Variants in ABCC2 observed in about 807,000 individuals in gnomAD.
ABCC2 encodes the protein ATP binding cassette subfamily C member 2, also known as ATP-binding cassette sub-family C member 2.
A neutral mutation model predicts 173.4 loss-of-function variants in ABCC2; 157 were observed. That is an observed-to-expected ratio of 0.91 (90% CI 0.80 to 1.03). The LOEUF (loss-of-function observed/expected upper bound fraction) is 1.03. ABCC2 is among the 50% of genes least tolerant of loss of function. ABCC2 has a pLI of 0.00. For missense variants in ABCC2, 1,822 were observed against 1,852.3 expected, an observed-to-expected ratio of 0.98 and a Z score of 0.30; for synonymous variants, 657 against 693.5, an observed-to-expected ratio of 0.95 and a Z score of 0.83.
intron 2 of ABCC2, among the ~76,000 whole-genome samples, chr10:99,785,417 C>T (rs966230791): frequency 6.6e-6 from 1 of 152,162 alleles, no homozygotes; most frequent in African/African-American, 2.4e-5. Flanking sequence ...AGGGAAGGGT[C>T]TTGTGGGAAC....
At chr10:99,813,432 C>G (rs1341394953) in intron 16 of ABCC2, among the ~76,000 whole-genome samples, 2 of 152,154 alleles carry the variant, frequency 1.3e-5, no homozygotes, top group African/African-American at 4.8e-5. Context: ...ATAGGCATTT[C>G]TGGCCAGGCA....
intron 28 of ABCC2, 89 bp downstream of exon 28, chr10:99,844,554 C>T: frequency 6.5e-7 from 1 of 1,549,946 alleles, no homozygotes; most frequent in Non-Finnish European, 8.8e-7. Context: ...CCTAAGCCTT[C>T]ATCATTTGGA....
chr10:99,832,942 G>C (rs189136904), intron 23 of ABCC2, among the ~76,000 whole-genome samples: 9 of 152,316 alleles, frequency 5.9e-5, no homozygotes, highest in Admixed American at 3.3e-4. Context: ...TGATTTTTTA[G>C]TGTATCTGAG....
chr10:99,831,690 T>A lies in ABCC2; in HGVS notation c.2963T>A (p.Met988Lys), dbSNP rs748479566. 53 of 1,614,116 alleles carry A rather than the reference T, an allele frequency of 3.3e-5. 1 individual carries two copies. The Admixed American group carries it at 8.7e-4, about 26-fold the overall frequency. ...TTCTTCATCATCCTTGCGTTTGTGA[T>A]GAATTCTGTGGCTTTTATTGGATCC... ...SIFFIILAFV[M>K]NSVAFIGSNL... Residue 988 changes from methionine to lysine, a missense_variant, in exon 22 of 32, where the codon ATG becomes AAG. Transcript: ENST00000647814.
chr10:99,786,349 A>G (rs1282234458), intron 2 of ABCC2, among the ~76,000 whole-genome samples: 1 of 152,242 alleles, frequency 6.6e-6, no homozygotes, highest in Non-Finnish European at 1.5e-5. Context: ...TCTGAACATT[A>G]AACAACTCTG....
At chr10:99,785,444 A>C (rs146953034) in intron 2 of ABCC2, among the ~76,000 whole-genome samples, 1 of 152,246 alleles carries the variant, frequency 6.6e-6, no homozygotes, top group Non-Finnish European at 1.5e-5. Context: ...CCCTCATTCG[A>C]GGTTGTAAAA....
chr10:99,812,912 G>A, intron 15 of ABCC2, 106 bp from the exon 16 acceptor site: 2 of 1,474,990 alleles, frequency 1.4e-6, no homozygotes, highest in Admixed American at 1.7e-5. Flanking sequence ...AATCTTGAGG[G>A]GAAATCTCCT....
rs187024898 is a variant in ABCC2 at position 99,796,502 on chromosome 10, T to G, written c.633-595T>G. 1.0e-3 allele frequency among the ~76,000 whole-genome samples: 155 copies of G among 152,034 alleles called. 1 individual carries two copies. The highest frequency in any genetic ancestry group is 6.7e-3 in the South Asian group (32 of 4,806). ...CTATCGACAAGATCGCAACTCCGTC[T>G]CAACAGAAACAAAAAAAGAAGAAGA... On this transcript the variant is annotated intron_variant, in intron 6 of 31. Coordinates refer to ENST00000647814, the MANE Select transcript of ABCC2 (RefSeq NM_000392.5).
At chr10:99,834,574 C>T (rs78812905) in intron 24 of ABCC2, 39 bp downstream of exon 24, 14 of 1,603,152 alleles carry the variant, frequency 8.7e-6, no homozygotes, top group African/African-American at 6.7e-5. Context: ...TCCTTCCTCT[C>T]TATCTATAAA....
intron 25 of ABCC2, among the ~76,000 whole-genome samples, chr10:99,839,220 G>T (rs2038888910): frequency 9.1e-6 from 1 of 110,270 alleles, no homozygotes; most frequent in Non-Finnish European, 2.0e-5. Flanking sequence ...GGACGGGCCG[G>T]CTGGCCGGGC....
intron 12 of ABCC2, 94 bp from the exon 13 acceptor site, chr10:99,807,989 G>T: frequency 6.8e-7 from 1 of 1,465,418 alleles, no homozygotes; most frequent in Non-Finnish European, 9.5e-7. Flanking sequence ...TCCTTAAGGC[G>T]CCTTCAACTC....
chr10:99,825,283 C>T (rs935282820), intron 19 of ABCC2, among the ~76,000 whole-genome samples: 2 of 152,218 alleles, frequency 1.3e-5, no homozygotes, highest in Admixed American at 6.5e-5. Context: ...AATGTAAAAT[C>T]TCAGTACTTT....
At chr10:99,838,305 C>A (rs1233635402) in intron 25 of ABCC2, among the ~76,000 whole-genome samples, 32 of 58,780 alleles carry the variant, frequency 5.4e-4, no homozygotes, top group African/African-American at 2.1e-3. Context: ...ACCTCCCGGA[C>A]GGGGCGGCTG....
chr10:99,827,481 A>G (rs956017726), intron 19 of ABCC2, among the ~76,000 whole-genome samples: 13 of 152,060 alleles, frequency 8.5e-5, no homozygotes, highest in African/African-American at 3.1e-4. Flanking sequence ...ACAATCTACT[A>G]TACAGCTTCT....
chr10:99,795,801 A>AAGATAGATAGAG (rs1554847627), intron 6 of ABCC2, among the ~76,000 whole-genome samples: 8 of 102,280 alleles, frequency 7.8e-5, no homozygotes, highest in African/African-American at 2.2e-4. Flanking sequence ...GAAAGAAAGA[A>AAGATAGATAGAG]AGATTTCTAA....
At chr10:99,827,062 TAA>T (rs1200924937) in intron 19 of ABCC2, among the ~76,000 whole-genome samples, 1 of 151,154 alleles carries the variant, frequency 6.6e-6, no homozygotes, top group African/African-American at 2.4e-5. Flanking sequence ...GCCGTAGGAT[TAA>T]GTCTCCTAGT....
chr10:99,785,983 G>T (rs184193651), intron 2 of ABCC2, among the ~76,000 whole-genome samples: 2 of 152,258 alleles, frequency 1.3e-5, no homozygotes, highest in East Asian at 1.9e-4. Flanking sequence ...GGGGTTGATC[G>T]TGGGTTTTAT....
At chr10:99,792,843 A>T (rs2037832042) in intron 3 of ABCC2, among the ~76,000 whole-genome samples, 1 of 152,250 alleles carries the variant, frequency 6.6e-6, no homozygotes, top group Non-Finnish European at 1.5e-5. Flanking sequence ...AATTGCCATC[A>T]ATTCAGTGGC....
rs545385084 is a variant in ABCC2, at chr10:99,814,230, T to C, written c.2094+1086T>C. Among the ~76,000 whole-genome samples the C allele has an allele frequency of 4.3e-3, 113 of 26,076 alleles. 4 individuals are homozygous for C. The highest frequency in any genetic ancestry group is 6.1e-3 in the Non-Finnish European group (78 of 12,766). The allele number at this position is 26,076 out of a possible 152,430, so 17.1% of individuals were successfully genotyped here. ...ACACACATGTGTATATATACACACATGTGTATATATGCACACACGTATGTA... is the reference window on the plus strand; with the variant it reads ...ACACACATGTGTATATATACACACACGTGTATATATGCACACACGTATGTA... On this transcript the variant is annotated intron_variant, in intron 16 of 31. Transcript: ENST00000647814.
Sources: gnomAD v4.1 joint callset for allele counts (sites outside exome capture counted in the v4.1 genomes callset) on GRCh38, gnomAD v4.1.1 for gene constraint, MANE v1.5 for transcripts, NCBI Gene and HGNC (gene_info 2026-07-23, HGNC 2026-07-21) for gene names.